SOX5: variants seen among roughly 807,000 people sequenced by gnomAD.
SOX5 encodes the protein transcription factor SOX-5.
In SOX5, 9 loss-of-function variants were observed where a neutral mutation model predicts 92.0. The observed-to-expected ratio is 0.10, with a 90% CI of 0.06 to 0.17. The LOEUF (loss-of-function observed/expected upper bound fraction) is 0.17, where lower values mean the gene tolerates loss of function less well. SOX5 is among the 10% of genes least tolerant of loss of function. The pLI, the probability that SOX5 is intolerant of heterozygous loss-of-function variation, is 1.00. For synonymous variants in SOX5, 344 were observed against 336.3 expected, an observed-to-expected ratio of 1.02 and a Z score of -0.25; for missense variants, 642 against 944.5, an observed-to-expected ratio of 0.68 and a Z score of 4.20.
chr12:23,686,760 C>T (rs948201610), intron 6 of SOX5, among the ~76,000 whole-genome samples: 3 of 151,974 alleles, frequency 2.0e-5, no homozygotes, highest in Admixed American at 6.6e-5. Flanking sequence ...ATCATCAAGA[C>T]TATGCCTCTT....
intron 2 of SOX5, among the ~76,000 whole-genome samples, chr12:24,282,850 T>C (rs1247568688): frequency 3.3e-5 from 5 of 152,230 alleles, no homozygotes; most frequent in African/African-American, 7.2e-5. Context: ...TTGCCATCCA[T>C]TCTTTAAAAG....
chr12:23,750,222 T>A (rs2094139092), intron 4 of SOX5, among the ~76,000 whole-genome samples: 1 of 152,042 alleles, frequency 6.6e-6, no homozygotes, highest in Middle Eastern at 3.4e-3. Context: ...TGATAATTAA[T>A]TTCTGAGTCT....
chr12:23,646,921 A>T (rs12297318), intron 7 of SOX5, among the ~76,000 whole-genome samples: 4,262 of 152,202 alleles, frequency 0.028, 92 homozygotes, highest in African/African-American at 0.053. Context: ...TTCTTTCAAA[A>T]TCCTGTTAAT....
chr12:24,491,804 A>G (rs972378187), intron 1 of SOX5, among the ~76,000 whole-genome samples: 3 of 152,182 alleles, frequency 2.0e-5, no homozygotes, highest in Non-Finnish European at 2.9e-5. Context: ...CTCATGGCAA[A>G]GGAAAACACT....
intron 4 of SOX5, among the ~76,000 whole-genome samples, chr12:24,009,324 T>A (rs1952655844): frequency 6.6e-6 from 1 of 152,280 alleles, no homozygotes; most frequent in East Asian, 1.9e-4. Context: ...CAGAATTGGG[T>A]ATTGTGTGGA....
At chr12:24,462,593 A>G (rs1943764322) in intron 1 of SOX5, among the ~76,000 whole-genome samples, 2 of 152,210 alleles carry the variant, frequency 1.3e-5, no homozygotes, top group African/African-American at 2.4e-5. Flanking sequence ...TGCTTCTATA[A>G]TCCCTAGTAA....
chr12:23,698,901 C>T (rs1468997725), intron 6 of SOX5, among the ~76,000 whole-genome samples: 2 of 152,084 alleles, frequency 1.3e-5, no homozygotes, highest in African/African-American at 4.8e-5. Context: ...AAGATACAAC[C>T]CTACCCTCTA....
At chr12:23,864,020 T>C (rs2096785307) in intron 2 of SOX5, among the ~76,000 whole-genome samples, 1 of 151,976 alleles carries the variant, frequency 6.6e-6, no homozygotes, top group African/African-American at 2.4e-5. Flanking sequence ...TTGTGGCAAC[T>C]GTGCATTAAG....
intron 10 of SOX5, among the ~76,000 whole-genome samples, chr12:23,572,673 T>C (rs1356620403): frequency 1.3e-5 from 2 of 152,200 alleles, no homozygotes; most frequent in African/African-American, 2.4e-5. Flanking sequence ...ACTAACACTA[T>C]GACATTTATA....
intron 4 of SOX5, among the ~76,000 whole-genome samples, chr12:24,016,983 G>A (rs1953704116): frequency 6.6e-6 from 1 of 152,152 alleles, no homozygotes; most frequent in Non-Finnish European, 1.5e-5. Flanking sequence ...AATTCACTGA[G>A]TGACTCAATG....
At chr12:23,919,482 A>T (rs1360142320) in intron 1 of SOX5, among the ~76,000 whole-genome samples, 2 of 152,232 alleles carry the variant, frequency 1.3e-5, no homozygotes, top group African/African-American at 2.4e-5. Flanking sequence ...TTTCATCTAA[A>T]TGTGGTAATA....
At chr12:24,248,235 T>C (rs899624319) in intron 3 of SOX5, among the ~76,000 whole-genome samples, 6 of 152,198 alleles carry the variant, frequency 3.9e-5, no homozygotes, top group Non-Finnish European at 8.8e-5. Flanking sequence ...ATTTGGGGCA[T>C]GTAGTAATTT....
At chr12:24,414,861 C>T (rs1964742444) in intron 1 of SOX5, among the ~76,000 whole-genome samples, 1 of 152,196 alleles carries the variant, frequency 6.6e-6, no homozygotes, top group Admixed American at 6.5e-5. Flanking sequence ...CTCCTGTCAA[C>T]AGAGCTTTTA....
intron 3 of SOX5, among the ~76,000 whole-genome samples, chr12:24,225,092 T>A (rs963407327): frequency 6.6e-6 from 1 of 152,246 alleles, no homozygotes; most frequent in African/African-American, 2.4e-5. Flanking sequence ...TCCATACATT[T>A]TGGTTATATC....
intron 6 of SOX5, among the ~76,000 whole-genome samples, chr12:23,686,733 T>C (rs1359443559): frequency 6.6e-6 from 1 of 152,078 alleles, no homozygotes; most frequent in Non-Finnish European, 1.5e-5. Flanking sequence ...TTTCCTTTTT[T>C]GGAAATTCTG....
intron 7 of SOX5, among the ~76,000 whole-genome samples, chr12:23,645,683 A>T (rs1019598261): frequency 4.6e-5 from 7 of 152,248 alleles, no homozygotes; most frequent in Non-Finnish European, 1.0e-4. Flanking sequence ...CATAAAATTT[A>T]AAAATATGCA....
chr12:24,328,920 T>C (rs1194594950), intron 2 of SOX5, among the ~76,000 whole-genome samples: 2 of 152,250 alleles, frequency 1.3e-5, no homozygotes, highest in African/African-American at 2.4e-5. Context: ...AATATTTGGC[T>C]CTGTAGTACT....
At chr12:24,531,556 A>G (rs1186647541) in intron 1 of SOX5, among the ~76,000 whole-genome samples, 5 of 152,200 alleles carry the variant, frequency 3.3e-5, no homozygotes. Flanking sequence ...TCACAGACAA[A>G]TAAGTGTGGT....
intron 7 of SOX5, among the ~76,000 whole-genome samples, chr12:23,654,781 C>T (rs978659658): frequency 1.1e-4 from 17 of 151,896 alleles, no homozygotes; most frequent in Non-Finnish European, 1.5e-4. Context: ...ATAAGAAATG[C>T]TAATATTTTG....
Sources: allele counts gnomAD v4.1 joint callset (sites outside exome capture counted in the v4.1 genomes callset), GRCh38; gene constraint gnomAD v4.1.1; transcripts MANE v1.5; gene names NCBI Gene and HGNC (gene_info 2026-07-23, HGNC 2026-07-21).